AGBL1: variants seen among roughly 807,000 people sequenced by gnomAD.
The protein encoded by AGBL1 is cytosolic carboxypeptidase 4.
Under a neutral mutation model 118.9 loss-of-function variants are expected in AGBL1, and 130 were observed. The observed-to-expected ratio is 1.09, with a 90% CI of 0.95 to 1.26. The LOEUF (loss-of-function observed/expected upper bound fraction) is 1.26. Among genes scored for constraint, AGBL1 ranks in the 50% most tolerant of loss-of-function variants. The pLI is 0.00. For synonymous variants in AGBL1, 555 were observed against 478.9 expected (o/e 1.16, Z -2.08); for missense variants, 1,584 against 1,298.1 (o/e 1.22, Z -3.38).
chr15:86,474,845 C>T (rs1391562224), intron 18 of AGBL1, among the ~76,000 whole-genome samples: 7 of 152,174 alleles, frequency 4.6e-5, no homozygotes, highest in Non-Finnish European at 8.8e-5. Flanking sequence ...AGACTGACAC[C>T]TCACATGGCC....
At chr15:86,853,897 T>C (rs1416148643) in intron 22 of AGBL1, among the ~76,000 whole-genome samples, 2 of 152,160 alleles carry the variant, frequency 1.3e-5, no homozygotes, top group South Asian at 2.1e-4. Flanking sequence ...TTTTTTTAAT[T>C]AGTCACTTAG....
chr15:86,711,786 C>G (rs2086562962), intron 22 of AGBL1, among the ~76,000 whole-genome samples: 1 of 152,102 alleles, frequency 6.6e-6, no homozygotes, highest in African/African-American at 2.4e-5. Context: ...GTTTCCTGAT[C>G]CACAAAGTCT....
chr15:86,716,589 T>G (rs183357942), intron 22 of AGBL1, among the ~76,000 whole-genome samples: 1 of 152,020 alleles, frequency 6.6e-6, no homozygotes, highest in African/African-American at 2.4e-5. Flanking sequence ...GAAAAAGCAG[T>G]AAGAAAAAAG....
intron 21 of AGBL1, among the ~76,000 whole-genome samples, chr15:86,633,443 A>C (rs1329619091): frequency 6.6e-6 from 1 of 152,146 alleles, no homozygotes; most frequent in Non-Finnish European, 1.5e-5. Context: ...ATTTGACATC[A>C]TGGATCATCT....
chr15:86,764,137 T>G (rs1219722370), intron 22 of AGBL1, among the ~76,000 whole-genome samples: 1 of 151,984 alleles, frequency 6.6e-6, no homozygotes, highest in Non-Finnish European at 1.5e-5. Context: ...GAAAGTGGGT[T>G]GGATTAGAAA....
At chr15:87,004,589 C>T (rs558025387) in intron 24 of AGBL1, among the ~76,000 whole-genome samples, 23 of 152,188 alleles carry the variant, frequency 1.5e-4, no homozygotes, top group East Asian at 3.9e-4. Flanking sequence ...TGTCTCTGCA[C>T]GTGAGATGGG....
At chr15:86,194,111 C>T (rs2141835943) in intron 5 of AGBL1, among the ~76,000 whole-genome samples, 1 of 152,312 alleles carries the variant, frequency 6.6e-6, no homozygotes, top group Non-Finnish European at 1.5e-5. Context: ...GTTGGAACGA[C>T]TCATTTTGTT....
intron 17 of AGBL1, among the ~76,000 whole-genome samples, chr15:86,309,128 C>G (rs2141819755): frequency 6.6e-6 from 1 of 152,142 alleles, no homozygotes; most frequent in East Asian, 1.9e-4. Flanking sequence ...GTGTGGAGCT[C>G]TTTCACCTCC....
chr15:86,283,118 A>C (rs1274060775), intron 16 of AGBL1, among the ~76,000 whole-genome samples: 1 of 152,352 alleles, frequency 6.6e-6, no homozygotes, highest in Non-Finnish European at 1.5e-5. Flanking sequence ...GAAGCAAACA[A>C]AAAAGCTCTA....
At chr15:86,692,979 A>G (rs1237058684) in intron 22 of AGBL1, among the ~76,000 whole-genome samples, 1 of 152,078 alleles carries the variant, frequency 6.6e-6, no homozygotes, top group Non-Finnish European at 1.5e-5. Flanking sequence ...TTCCATATAG[A>G]TATATCACAA....
intron 9 of AGBL1, among the ~76,000 whole-genome samples, chr15:86,262,298 T>C (rs536525479): frequency 2.0e-5 from 3 of 152,160 alleles, no homozygotes; most frequent in African/African-American, 7.2e-5. Context: ...GCAAATACCA[T>C]GGAAGCATGG....
At chr15:86,262,974 TC>T in intron 10 of AGBL1, 80 bp downstream of exon 10, 1 of 1,009,152 alleles carries the variant, frequency 9.9e-7, no homozygotes, top group Non-Finnish European at 1.5e-6. Context: ...AACCAGGGTG[TC>T]CAGATGGAAA....
intron 18 of AGBL1, among the ~76,000 whole-genome samples, chr15:86,456,043 G>C (rs1376038594): frequency 6.6e-6 from 1 of 151,968 alleles, no homozygotes; most frequent in Non-Finnish European, 1.5e-5. Context: ...CATTCACTTC[G>C]ATGTTCTGTA....
At chr15:86,675,789 CCT>C (rs961378202) in intron 22 of AGBL1, among the ~76,000 whole-genome samples, 2 of 152,194 alleles carry the variant, frequency 1.3e-5, no homozygotes, top group East Asian at 1.9e-4. Context: ...TCTTTTTCCC[CCT>C]CTCTCCTCTG....
intron 18 of AGBL1, among the ~76,000 whole-genome samples, chr15:86,465,839 C>G (rs960149063): frequency 2.0e-5 from 3 of 152,140 alleles, no homozygotes; most frequent in African/African-American, 4.8e-5. Context: ...CTACTTTCAC[C>G]CTGGCCTTGT....
At chr15:86,508,419 G>C (rs1191090349) in intron 18 of AGBL1, among the ~76,000 whole-genome samples, 2 of 152,038 alleles carry the variant, frequency 1.3e-5, no homozygotes, top group African/African-American at 2.4e-5. Flanking sequence ...TTGTGCTTTA[G>C]GTAAAGAAAT....
chr15:86,997,946 T>G (rs1469043210), intron 24 of AGBL1, among the ~76,000 whole-genome samples: 1 of 151,438 alleles, frequency 6.6e-6, no homozygotes, highest in East Asian at 1.9e-4. Context: ...CTTTGCCTAT[T>G]TTTGTATTTT....
At chr15:86,487,879 G>A (rs953935158) in intron 18 of AGBL1, among the ~76,000 whole-genome samples, 6 of 152,150 alleles carry the variant, frequency 3.9e-5, no homozygotes, top group African/African-American at 1.4e-4. Context: ...GAACATCGCT[G>A]AGAGAACACT....
At position 86,627,266 on chromosome 15, in the gene AGBL1, C is replaced by A. The variant is rs911318853; in HGVS notation, c.2995-47007C>A. 2.0e-5 allele frequency among the ~76,000 whole-genome samples: 3 copies of A among 152,180 alleles called. No individual in the cohort carries two copies. In the East Asian group the frequency reaches 5.8e-4, roughly 29 times the overall value. On this transcript the variant is annotated intron_variant, in intron 21 of 22. Coordinates refer to ENST00000614907, the MANE Select transcript of AGBL1 (RefSeq NM_001386094.1). ...TCGCCCACCTCAGCCTCCCAAAGTG[C>A]TGGGATTGCAGGTGTGAGCCACTGT...
Sources: allele counts gnomAD v4.1 joint callset (sites outside exome capture counted in the v4.1 genomes callset), GRCh38; gene constraint gnomAD v4.1.1; transcripts MANE v1.5; gene names NCBI Gene and HGNC (gene_info 2026-07-23, HGNC 2026-07-21).